The following JMJD1C variants were observed in gnomAD, a reference collection of about 807,000 sequenced individuals.
JMJD1C encodes the protein jumonji domain-containing protein 1C.
A neutral mutation model predicts 245.3 loss-of-function variants in JMJD1C; 31 were observed. That is an observed-to-expected ratio of 0.13 (90% CI 0.09 to 0.17). The LOEUF (loss-of-function observed/expected upper bound fraction) is 0.17, where lower values mean the gene tolerates loss of function less well. Ranked by LOEUF, JMJD1C falls within the 10% of genes least tolerant of loss-of-function variation. The pLI is 1.00. For synonymous variants in JMJD1C, 1,057 were observed against 1,017.4 expected, an observed-to-expected ratio of 1.04 and a Z score of -0.74; for missense variants, 2,691 against 3,000.2, an observed-to-expected ratio of 0.90 and a Z score of 2.41.
intron 1 of JMJD1C, among the ~76,000 whole-genome samples, chr10:63,421,672 A>T (rs956501313): frequency 4.6e-5 from 7 of 152,194 alleles, no homozygotes; most frequent in Non-Finnish European, 7.3e-5. Context: ...CTTTAAGGAG[A>T]TAATTAAGAA....
At chr10:63,512,504 C>G (rs769513732) in intron 1 of JMJD1C, among the ~76,000 whole-genome samples, 3 of 152,124 alleles carry the variant, frequency 2.0e-5, no homozygotes, top group Admixed American at 6.5e-5. Context: ...TCTCTCAACA[C>G]TAAATATTTC....
At chr10:63,337,837 A>C (rs1247429975) in intron 2 of JMJD1C, among the ~76,000 whole-genome samples, 1 of 152,096 alleles carries the variant, frequency 6.6e-6, no homozygotes, top group Non-Finnish European at 1.5e-5. Flanking sequence ...TTCTGTTGTT[A>C]TTACTATAGT....
rs776015432 is a variant in JMJD1C at position 63,214,174 on chromosome 10, T to G, written c.1993A>C (p.Ser665Arg). 6.2e-7 allele frequency: 1 copy of G among 1,614,190 alleles called. No individual in the cohort carries two copies. The highest frequency in any genetic ancestry group is 2.2e-5 in the East Asian group (1 of 44,884). ...SVKSKATYVN[S>R]QATGERRLAN... ...AATCTTCTTTCACCAGTAGCTTGGC[T>G]GTTCACATAAGTGGCCTTAGACTTT... Residue 665 changes from serine to arginine, a missense_variant, in exon 8 of 26, where the codon AGC becomes CGC. By Grantham distance (110) the Ser-to-Arg change is moderately radical. Coordinates refer to ENST00000399262, the MANE Select transcript of JMJD1C (RefSeq NM_032776.3).
At chr10:63,356,041 A>T (rs1413868605) in intron 2 of JMJD1C, among the ~76,000 whole-genome samples, 1 of 152,216 alleles carries the variant, frequency 6.6e-6, no homozygotes, top group Non-Finnish European at 1.5e-5. Flanking sequence ...GGAAAAATTA[A>T]GCATAAAGAC....
intron 3 of JMJD1C, among the ~76,000 whole-genome samples, chr10:63,245,598 T>C (rs1852105983): frequency 6.7e-6 from 1 of 149,154 alleles, no homozygotes; most frequent in East Asian, 2.1e-4. Context: ...TTCTCCTGCC[T>C]CAGCCTCCCA....
intron 2 of JMJD1C, among the ~76,000 whole-genome samples, chr10:63,335,543 A>G (rs901726364): frequency 6.6e-6 from 1 of 152,140 alleles, no homozygotes; most frequent in Non-Finnish European, 1.5e-5. Context: ...ACAAAGTCTT[A>G]CTCTGACGCC....
At chr10:63,352,475 TA>T (rs1026812166) in intron 2 of JMJD1C, among the ~76,000 whole-genome samples, 11 of 151,918 alleles carry the variant, frequency 7.2e-5, no homozygotes, top group Non-Finnish European at 1.3e-4. Flanking sequence ...CCATCTCTAC[TA>T]AAAATACAAA....
intron 2 of JMJD1C, among the ~76,000 whole-genome samples, chr10:63,349,050 G>A (rs1025847591): frequency 1.6e-5 from 2 of 126,728 alleles, no homozygotes; most frequent in Non-Finnish European, 3.1e-5. Context: ...GCAGTGAGCT[G>A]AGATCACGCC....
chr10:63,313,787 G>A (rs1313292628), intron 2 of JMJD1C, among the ~76,000 whole-genome samples: 6 of 152,046 alleles, frequency 3.9e-5, no homozygotes, highest in African/African-American at 1.4e-4. Flanking sequence ...CTTTTTGATG[G>A]GACTGTTGAA....
At chr10:63,306,435 G>A (rs1938244945) in intron 2 of JMJD1C, among the ~76,000 whole-genome samples, 1 of 152,064 alleles carries the variant, frequency 6.6e-6, no homozygotes, top group African/African-American at 2.4e-5. Flanking sequence ...GGATCCTATG[G>A]TCTCATCAAT....
chr10:63,247,732 A>AAAG (rs1564677488), intron 3 of JMJD1C, among the ~76,000 whole-genome samples: 2 of 151,512 alleles, frequency 1.3e-5, no homozygotes, highest in South Asian at 2.1e-4. Context: ...AAAAAAAAAA[A>AAAG]AAAAAAGAAA....
At chr10:63,480,991 T>A (rs1399316877) in intron 1 of JMJD1C, among the ~76,000 whole-genome samples, 3 of 152,214 alleles carry the variant, frequency 2.0e-5, no homozygotes, top group African/African-American at 7.2e-5. Flanking sequence ...TATAGACTCA[T>A]CAGAACTAAG....
rs1202839589 is a variant in JMJD1C at position 63,305,375 on chromosome 10, AACAAAAAAC to A, written c.334-40620_334-40612del. ...GAGCAAGACTCCACCTCAAAAAAAA[AACAAAAAAC>A]AAAAAAGGTTGCAGTGAGCTCTAAT... On this transcript the variant is annotated intron_variant, in intron 2 of 25. Transcript: ENST00000399262. 5.7e-4 allele frequency among the ~76,000 whole-genome samples: 51 copies of A among 89,938 alleles called. 10 individuals are homozygous for A. Among genetic ancestry groups the A allele is most frequent in the Non-Finnish European group, 9.3e-4 (30 of 32,128 alleles). 59.0% of individuals were successfully genotyped at this position (89,938 alleles called of 152,430 possible). A position where few individuals can be genotyped will look rare whatever the true frequency, so the allele number is the denominator to read the frequency against.
intron 1 of JMJD1C, among the ~76,000 whole-genome samples, chr10:63,476,102 C>G (rs556479982): frequency 2.0e-5 from 3 of 151,708 alleles, no homozygotes; most frequent in East Asian, 1.9e-4. Context: ...CCCAGCTACT[C>G]GAGAGGCTGA....
intron 2 of JMJD1C, among the ~76,000 whole-genome samples, chr10:63,379,637 A>T (rs1947049302): frequency 6.6e-6 from 1 of 152,250 alleles, no homozygotes; most frequent in African/African-American, 2.4e-5. Flanking sequence ...AATACAAAGT[A>T]TGTTCCATCT....
chr10:63,288,122 T>C (rs567567960), intron 2 of JMJD1C, among the ~76,000 whole-genome samples: 9 of 152,274 alleles, frequency 5.9e-5, no homozygotes, highest in Non-Finnish European at 1.2e-4. Context: ...CCATGTTTCA[T>C]TGCAGAGGCA....
upstream of JMJD1C, among the ~76,000 whole-genome samples, chr10:63,467,487 A>G (rs940648791): frequency 1.3e-5 from 2 of 152,222 alleles, no homozygotes. Context: ...CAACCTGGTC[A>G]ACAAGAGCAA....
chr10:63,425,648 T>C (rs933368193), intron 1 of JMJD1C, among the ~76,000 whole-genome samples: 13 of 152,010 alleles, frequency 8.6e-5, no homozygotes, highest in African/African-American at 3.1e-4. Flanking sequence ...CCAGGCATGG[T>C]TGTGCACACC....
Position 63,198,709 on chromosome 10 carries a change from G to T in JMJD1C, c.5295C>A (p.Asn1765Lys). The change falls in exon 12 of 26, where the codon AAC (asparagine) becomes AAA (lysine). Residue 1765 changes from asparagine to lysine, a missense_variant. Around this residue, in one of 9 missense-constraint regions of JMJD1C, gnomAD observed 139 missense variants for 270.5 expected, o/e 0.51. Transcript: ENST00000399262. ...AGAAACCATCTATTCTAACTACTCC[G>T]TTTTTACTAAATGACAACCTGAAAT... ...YYFRRLSFSKNGVVRIDGFSS... is the reference protein window; with the variant it reads ...YYFRRLSFSKKGVVRIDGFSS... 6.3e-7 allele frequency: 1 copy of T among 1,593,086 alleles called. No individual in the cohort carries two copies. Among genetic ancestry groups the T allele is most frequent in the Non-Finnish European group, 8.5e-7 (1 of 1,170,268 alleles).
Sources: allele counts gnomAD v4.1 joint callset (sites outside exome capture counted in the v4.1 genomes callset), GRCh38; gene constraint gnomAD v4.1.1; regional missense constraint gnomAD v4.1.1; transcripts MANE v1.5; gene names NCBI Gene and HGNC (gene_info 2026-07-23, HGNC 2026-07-21).